Variants in IRAK2 observed in about 807,000 individuals in gnomAD.
IRAK2 encodes interleukin-1 receptor-associated kinase-like 2.
In IRAK2, 57 loss-of-function variants were observed where a neutral mutation model predicts 72.0. That is an observed-to-expected ratio of 0.79 (90% CI 0.64 to 0.99). The LOEUF (loss-of-function observed/expected upper bound fraction) is 0.99. Ranked by LOEUF, IRAK2 falls within the 50% of genes least tolerant of loss-of-function variation. The probability of loss-of-function intolerance (pLI) is 0.00; values close to 1 mark genes in which losing one functional copy is unlikely to be tolerated. For synonymous variants in IRAK2, 293 were observed against 312.7 expected (o/e 0.94, Z 0.67); for missense variants, 790 against 794.4 (o/e 0.99, Z 0.07).
intron 11 of IRAK2, among the ~76,000 whole-genome samples, chr3:10,235,393 G>A (rs1697940430): frequency 6.6e-6 from 1 of 151,926 alleles, no homozygotes; most frequent in Non-Finnish European, 1.5e-5. Context: ...CGCCTCCCGG[G>A]TTCAAGTAAT....
At chr3:10,172,128 T>C (rs1229271157) in intron 1 of IRAK2, among the ~76,000 whole-genome samples, 1 of 151,572 alleles carries the variant, frequency 6.6e-6, no homozygotes, top group Admixed American at 6.6e-5. Context: ...CCTAGCTCTT[T>C]GGGAGGCTGA....
At chr3:10,175,019 AG>A (rs1024108248) in intron 1 of IRAK2, among the ~76,000 whole-genome samples, 32 of 151,418 alleles carry the variant, frequency 2.1e-4, no homozygotes, top group African/African-American at 7.8e-4. Context: ...TGAGCCTGGG[AG>A]GCCAAGGCTG....
intron 8 of IRAK2, among the ~76,000 whole-genome samples, chr3:10,220,099 C>T (rs1217336217): frequency 5.3e-5 from 8 of 152,238 alleles, no homozygotes; most frequent in Non-Finnish European, 1.2e-4. Flanking sequence ...CACTCAGCAG[C>T]TGGCCTGGAC....
At chr3:10,206,549 T>C (rs1261583396) in intron 3 of IRAK2, among the ~76,000 whole-genome samples, 1 of 152,190 alleles carries the variant, frequency 6.6e-6, no homozygotes, top group Non-Finnish European at 1.5e-5. Flanking sequence ...TCTCGTGAAA[T>C]AAAATTTTTT....
intron 1 of IRAK2, among the ~76,000 whole-genome samples, chr3:10,171,891 G>C (rs185371973): frequency 1.7e-4 from 26 of 151,312 alleles, no homozygotes; most frequent in Non-Finnish European, 3.7e-4. Flanking sequence ...TCAGCCTCCA[G>C]AGTAGCTGGG....
In IRAK2 at chr3:10,189,964, G is replaced by C. The variant is rs1246122373; in HGVS notation, c.278-10405G>C. 2.0e-5 allele frequency among the ~76,000 whole-genome samples: 3 copies of C among 151,992 alleles called. No homozygotes were observed. In the South Asian group the frequency reaches 6.2e-4, roughly 32 times the overall value. Reference sequence around the variant, plus strand: ...ACAGGCCAGGGGTCAGAGCACCTGGGTTCTAGTAATAGCTTGTGTTTAGCA... The same window carrying C: ...ACAGGCCAGGGGTCAGAGCACCTGGCTTCTAGTAATAGCTTGTGTTTAGCA... On this transcript the variant is annotated intron_variant, in intron 2 of 12. Transcript: ENST00000256458.
intron 2 of IRAK2, among the ~76,000 whole-genome samples, chr3:10,191,114 G>A (rs1170417791): frequency 6.6e-6 from 1 of 152,084 alleles, no homozygotes; most frequent in Admixed American, 6.6e-5. Context: ...CTAACATGGT[G>A]ATACCCCGTC....
intron 2 of IRAK2, among the ~76,000 whole-genome samples, chr3:10,184,299 T>C (rs1033267187): frequency 1.3e-5 from 2 of 152,164 alleles, no homozygotes; most frequent in Non-Finnish European, 2.9e-5. Flanking sequence ...TCTAGTACTC[T>C]AGAAAAGGAG....
At chr3:10,231,652 AC>A (rs1325134688) in intron 10 of IRAK2, among the ~76,000 whole-genome samples, 1 of 151,520 alleles carries the variant, frequency 6.6e-6, no homozygotes, top group African/African-American at 2.4e-5. Context: ...TCCATATATT[AC>A]TTTGGTTATG....
At chr3:10,234,810 C>A in intron 11 of IRAK2, 151 bp downstream of exon 11, 1 of 727,376 alleles carries the variant, frequency 1.4e-6, no homozygotes, top group South Asian at 1.8e-5. Context: ...AGCCAAAGGG[C>A]GGTGTAGGGA....
At chr3:10,238,699 A>G (rs1396191735) in intron 11 of IRAK2, 49 bp from the exon 12 acceptor site, 1 of 1,568,470 alleles carries the variant, frequency 6.4e-7, no homozygotes, top group Non-Finnish European at 8.7e-7. Flanking sequence ...TAGCATTTCT[A>G]TTTCAGAGAG....
rs749026815 is a variant in IRAK2 at position 10,219,702 on chromosome 3, G to C, written c.926G>C (p.Trp309Ser). 2 of 1,613,856 alleles carry C rather than the reference G, an allele frequency of 1.2e-6. No homozygotes were observed. Among genetic ancestry groups the C allele is most frequent in the South Asian group, 2.2e-5 (2 of 91,070 alleles). The change falls in exon 8 of 13, where the codon TGG (tryptophan) becomes TCG (serine). Residue 309 changes from tryptophan to serine, a missense_variant. Coordinates refer to ENST00000256458, the MANE Select transcript of IRAK2 (RefSeq NM_001570.4). ...QGQGGSDPLP[W>S]PQRVSICSGL... ...TAGGGTGGCTCGGACCCCCTCCCCTGGCCCCAGCGTGTCAGCATCTGCTCA... is the reference window on the plus strand; with the variant it reads ...TAGGGTGGCTCGGACCCCCTCCCCTCGCCCCAGCGTGTCAGCATCTGCTCA...
chr3:10,229,303 G>A (rs1182179401), intron 10 of IRAK2, among the ~76,000 whole-genome samples: 1 of 152,162 alleles, frequency 6.6e-6, no homozygotes, highest in Non-Finnish European at 1.5e-5. Flanking sequence ...AGGCCAGAGT[G>A]CAGTGGCATG....
chr3:10,206,935 C>A (rs998019876), intron 3 of IRAK2, among the ~76,000 whole-genome samples: 2 of 150,666 alleles, frequency 1.3e-5, no homozygotes, highest in Non-Finnish European at 2.9e-5. Flanking sequence ...CTCACGGCAA[C>A]CTTTGCCTCC....
intron 1 of IRAK2, among the ~76,000 whole-genome samples, chr3:10,173,422 G>A (rs1696826496): frequency 6.6e-6 from 1 of 152,138 alleles, no homozygotes; most frequent in Non-Finnish European, 1.5e-5. Flanking sequence ...AATATTCTAC[G>A]ATGACCAGCT....
rs576124304 is a variant in IRAK2 at position 10,232,105 on chromosome 3, C to T, written c.1273-2354C>T. Among the ~76,000 whole-genome samples, 70 of 151,778 alleles carry T rather than the reference C, an allele frequency of 4.6e-4. 1 individual carries two copies. The highest frequency in any genetic ancestry group is 8.5e-4 in the Non-Finnish European group (58 of 67,980). On this transcript the variant is annotated intron_variant, in intron 10 of 12. Transcript: ENST00000256458. ...TCGTGCCACTGCACTACAGCCTGGG[C>T]GACAGAGCGAGACTCCGTCTCAACA... is the stretch of plus-strand genomic sequence containing the variant.
Position 10,238,861 on chromosome 3 carries a change from A to C in IRAK2, c.1587A>C (p.Thr529=), listed in dbSNP as rs766340120. ...TGSSSNTPEE[T]DDVDNSSLDA... ...CTTCTTCCAACACCCCAGAGGAAAC[A>C]GACGACGTTGACAATTCCAGCCTTG... is the stretch of plus-strand genomic sequence containing the variant. Residue 529 remains threonine, a synonymous_variant, in exon 12 of 13, where the codon ACA becomes ACC. Transcript: ENST00000256458. 1 of 1,614,160 alleles carries C rather than the reference A, an allele frequency of 6.2e-7. No homozygotes were observed. Among genetic ancestry groups the C allele is most frequent in the South Asian group, 1.1e-5 (1 of 91,086 alleles).
At chr3:10,212,929 T>G (rs1192613929) in intron 4 of IRAK2, among the ~76,000 whole-genome samples, 1 of 152,004 alleles carries the variant, frequency 6.6e-6, no homozygotes, top group African/African-American at 2.4e-5. Flanking sequence ...CACGCCTGGA[T>G]AATTTTTTTT....
At chr3:10,179,997 T>C (rs760138140) in intron 2 of IRAK2, among the ~76,000 whole-genome samples, 4 of 152,216 alleles carry the variant, frequency 2.6e-5, no homozygotes, top group African/African-American at 4.8e-5. Flanking sequence ...GGTTTTTGCA[T>C]TTTAAGTGTT....
Sources: allele counts gnomAD v4.1 joint callset (sites outside exome capture counted in the v4.1 genomes callset), GRCh38; gene constraint gnomAD v4.1.1; transcripts MANE v1.5; gene names NCBI Gene and HGNC (gene_info 2026-07-23, HGNC 2026-07-21).